Variants in SCO2 observed in about 807,000 individuals in gnomAD.
The protein encoded by SCO2 is cytochrome c oxidase assembly factor SCO2.
For missense variants in SCO2, 429 were observed against 348.7 expected (o/e 1.23, Z -1.83); for synonymous variants, 195 against 148.6 (o/e 1.31, Z -2.27).
upstream of SCO2, chr22:50,526,061 G>T (rs2148676922): frequency 6.7e-7 from 1 of 1,482,460 alleles, no homozygotes; most frequent in East Asian, 2.9e-5. Context: ...AGGCGGAGCG[G>T]CTCCCCAGCG....
chr22:50,525,512 G>T lies in SCO2; in HGVS notation c.-54C>A. 1.8e-6 allele frequency: 1 copy of T among 558,298 alleles called. No homozygotes were observed. Among genetic ancestry groups the T allele is most frequent in the Non-Finnish European group, 3.1e-6 (1 of 320,050 alleles). 34.6% of individuals were successfully genotyped at this position (558,298 alleles called of 1,614,324 possible). A position where few individuals can be genotyped will look rare whatever the true frequency, so the allele number is the denominator to read the frequency against. ...CGCGTCAGTGGACCAAGCACGAGAG[G>T]AAGCGCCGACCTCCAGCTCCCTGCG... On this transcript the variant is annotated 5_prime_UTR_variant, in exon 1 of 2. Transcript: ENST00000395693.
upstream of SCO2, chr22:50,526,169 G>A (rs921974843): frequency 1.2e-5 from 18 of 1,470,104 alleles, no homozygotes; most frequent in African/African-American, 2.9e-5. Context: ...GAGAGGCGCG[G>A]GCTCGGGAAG....
chr22:50,524,227 A>G lies in SCO2; in HGVS notation c.185T>C (p.Leu62Pro). ...PQGPGLRTRL[L>P]ITGLFGAGLG... ...TCCAGCCCCGAACAGGCCTGTGATCAGCAGCCGGGTTCGAAGCCCAGGGCC... is the reference window on the plus strand; with the variant it reads ...TCCAGCCCCGAACAGGCCTGTGATCGGCAGCCGGGTTCGAAGCCCAGGGCC... Residue 62 changes from leucine (L) to proline (P), a missense_variant, in exon 2 of 2, where the codon CTG (leucine) becomes CCG (proline). By Grantham distance (98) the Leu-to-Pro change is moderately conservative. Coordinates refer to ENST00000395693, the MANE Select transcript of SCO2 (RefSeq NM_005138.3). The G allele has an allele frequency of 3.1e-6, 5 of 1,607,734 alleles. No individual in the cohort carries two copies. The highest frequency in any genetic ancestry group is 4.2e-6 in the Non-Finnish European group (5 of 1,179,870).
At position 50,523,845 on chromosome 22, in the gene SCO2, CA is replaced by C; in HGVS notation, c.566del (p.Leu189TrpfsTer3). ...RYVQDFHPRL[L>X]GLTGSTKQVA... ...CCTGTTTGGTGGAGCCGGTCAGACC[CA>C]ACAGTCTTGGGTGGAAGTCCTGGAC... is the stretch of plus-strand genomic sequence containing the variant. On this transcript the variant is annotated frameshift_variant, in exon 2 of 2. Transcript: ENST00000395693. LOFTEE classifies it low-confidence loss of function (END_TRUNC). The C allele has an allele frequency of 6.2e-7, 1 of 1,614,056 alleles. No individual in the cohort carries two copies. The highest frequency in any genetic ancestry group is 8.5e-7 in the Non-Finnish European group (1 of 1,180,036).
At chr22:50,525,832 C>G (rs774894715), upstream of SCO2, 1 of 1,608,988 alleles carries the variant, frequency 6.2e-7, no homozygotes, top group East Asian at 2.2e-5. Context: ...GGCGCGCGGT[C>G]GGAGAGTACG....
At chr22:50,524,787 T>C in intron 1 of SCO2, 2 of 410,920 alleles carry the variant, frequency 4.9e-6, no homozygotes, top group Non-Finnish European at 9.8e-6. Flanking sequence ...AGGAGGTGGG[T>C]AACTCTCTGG....
Position 50,524,132 on chromosome 22 carries a change from GGGCTTCT to G in SCO2, c.273_279del (p.Glu92CysfsTer32), listed in dbSNP as rs751333475. The G allele has an allele frequency of 6.2e-7, 1 of 1,612,518 alleles. No homozygotes were observed. The highest frequency in any genetic ancestry group is 1.1e-5 in the South Asian group (1 of 91,086). On this transcript the variant is annotated frameshift_variant, in exon 2 of 2. Coordinates refer to ENST00000395693, the MANE Select transcript of SCO2 (RefSeq NM_005138.3). LOFTEE classifies it low-confidence loss of function (END_TRUNC). Reference sequence around the variant, plus strand: ...CCCTGGCCCACAGCTGCCTGGCGCAGGGCTTCTGTTCGCTTTTGCTGCTGCAGCCTCT... The same window carrying G: ...CCCTGGCCCACAGCTGCCTGGCGCAGGTTCGCTTTTGCTGCTGCAGCCTCT...
In SCO2 at chr22:50,524,068, C is replaced by G; in HGVS notation, c.344G>C (p.Cys115Ser). The G allele has an allele frequency of 6.2e-7, 1 of 1,613,292 alleles. No homozygotes were observed. The part of the protein sequence containing the change: ...HLLDHRGRAR[C>S]KADFRGQWVL... ...CCACTGGCCCCGGAAGTCAGCCTTGCAGCGAGCCCGGCCTCTGTGATCCAG... is the reference window on the plus strand; with the variant it reads ...CCACTGGCCCCGGAAGTCAGCCTTGGAGCGAGCCCGGCCTCTGTGATCCAG... Residue 115 changes from cysteine (C) to serine (S), a missense_variant, in exon 2 of 2, where the codon TGC (cysteine) becomes TCC (serine). Coordinates refer to ENST00000395693, the MANE Select transcript of SCO2 (RefSeq NM_005138.3).
At position 50,525,566 on chromosome 22, in the gene SCO2, G is replaced by T. The variant is rs1000474738; in HGVS notation, c.-108C>A. ...TGCCCCGCCGGCTCAGGGAAAGCGG[G>T]CGCCACACGCTCACAGGCAGGGCGC... On this transcript the variant is annotated 5_prime_UTR_variant, in exon 1 of 2. Coordinates refer to ENST00000395693, the MANE Select transcript of SCO2 (RefSeq NM_005138.3). 9 of 730,524 alleles carry T rather than the reference G, an allele frequency of 1.2e-5. No individual in the cohort carries two copies. Among genetic ancestry groups the T allele is most frequent in the Non-Finnish European group, 2.0e-5 (9 of 453,562 alleles). The allele number at this position is 730,524 out of a possible 1,614,324, so 45.3% of individuals were successfully genotyped here.
At position 50,524,143 on chromosome 22, in the gene SCO2, C is replaced by T. The variant is rs766985727; in HGVS notation, c.269G>A (p.Arg90Gln). Reference sequence around the variant, plus strand: ...AGCTGCCTGGCGCAGGGCTTCTGTTCGCTTTTGCTGCTGCAGCCTCTCCTT... The same window carrying T: ...AGCTGCCTGGCGCAGGGCTTCTGTTTGCTTTTGCTGCTGCAGCCTCTCCTT... Reference protein sequence around the residue: ...AEKERLQQQKRTEALRQAAVG... With the variant: ...AEKERLQQQKQTEALRQAAVG... The change falls in exon 2 of 2, where the codon CGA becomes CAA. Residue 90 changes from arginine (R) to glutamine (Q), a missense_variant. Transcript: ENST00000395693. The T allele has an allele frequency of 2.6e-5, 42 of 1,611,860 alleles. No homozygotes were observed. The highest frequency in any genetic ancestry group is 6.7e-5 in the East Asian group (3 of 44,904).
chr22:50,524,305 C>T lies in SCO2; in HGVS notation c.107G>A (p.Trp36Ter), dbSNP rs121908508. ...LGGQALHLRS[W>*]LLSRQGPAET... The stretch of plus-strand genomic sequence containing the variant: ...TGCAGGGCCCTGCCTTGACAAAAGC[C>T]AGGACCTCAGATGCAGGGCCTGGCC... The change falls in exon 2 of 2, where the codon TGG becomes TAG. Residue 36 changes from tryptophan (W) to a stop codon, truncating the protein, a stop_gained. Coordinates refer to ENST00000395693, the MANE Select transcript of SCO2 (RefSeq NM_005138.3). LOFTEE classifies it low-confidence loss of function (END_TRUNC). 2 of 1,602,526 alleles carry T rather than the reference C, an allele frequency of 1.2e-6. No individual in the cohort carries two copies. The highest frequency in any genetic ancestry group is 1.7e-6 in the Non-Finnish European group (2 of 1,179,882).
chr22:50,524,563 C>T, intron 1 of SCO2, 139 bp from the exon 2 acceptor site: 2 of 791,512 alleles, frequency 2.5e-6, no homozygotes, highest in Non-Finnish European at 4.4e-6. Context: ...CAGCTGCTCA[C>T]CTGAGCTCAG....
upstream of SCO2, chr22:50,525,651 G>C (rs1055059543): frequency 2.1e-6 from 3 of 1,443,816 alleles, no homozygotes; most frequent in South Asian, 3.7e-5. Flanking sequence ...CTCTCAGCGC[G>C]TGCGCGGAAG....
chr22:50,523,937 GA>G lies in SCO2; in HGVS notation c.474del (p.Pro159GlnfsTer33). ...ACAGTGATGAAGACAGGCTGCACTG[GA>G]GGCAAACCAGGCTCTGCTTCCAGCT... is the stretch of plus-strand genomic sequence containing the variant. ...VRQLEAEPGL[P>X]PVQPVFITVD... On this transcript the variant is annotated frameshift_variant, in exon 2 of 2. Transcript: ENST00000395693. LOFTEE classifies it low-confidence loss of function (END_TRUNC). 1 of 1,612,704 alleles carries G rather than the reference GA, an allele frequency of 6.2e-7. No homozygotes were observed. The highest frequency in any genetic ancestry group is 8.5e-7 in the Non-Finnish European group (1 of 1,179,124).
upstream of SCO2, chr22:50,526,071 G>A (rs1297862459): frequency 6.7e-7 from 1 of 1,483,868 alleles, no homozygotes; most frequent in Non-Finnish European, 8.9e-7. Flanking sequence ...GCTCCCCAGC[G>A]CGGCTGCGCC....
In SCO2 at chr22:50,525,456, G is replaced by A. The variant is rs2069305143; in HGVS notation, c.-14+16C>T. The A allele has an allele frequency of 4.5e-6, 2 of 440,916 alleles. No homozygotes were observed. The highest frequency in any genetic ancestry group is 4.1e-5 in the Admixed American group (1 of 24,276). 27.3% of individuals were successfully genotyped at this position (440,916 alleles called of 1,614,324 possible). Reference sequence around the variant, plus strand: ...CTCAGGGCTACCTCCTCCCCTCCCAGCCCCGGCGTCCGCACCTCGCGGCGG... The same window carrying A: ...CTCAGGGCTACCTCCTCCCCTCCCAACCCCGGCGTCCGCACCTCGCGGCGG... On this transcript the variant is annotated intron_variant, in intron 1 of 1. Transcript: ENST00000395693.
chr22:50,524,373 C>A lies in SCO2; in HGVS notation c.39G>T (p.Arg13Ser), dbSNP rs1416866419. The change falls in exon 2 of 2, where the codon AGG becomes AGT. Residue 13 changes from arginine to serine, a missense_variant. Transcript: ENST00000395693. ...LLTRSPTAWH[R>S]LSQLKPRVLP... is the part of the protein sequence containing the mutation. Reference sequence around the variant, plus strand: ...GGACCCGAGGCTTGAGCTGAGAGAGCCTGTGCCAAGCTGTGGGGCTCCGAG... The same window carrying A: ...GGACCCGAGGCTTGAGCTGAGAGAGACTGTGCCAAGCTGTGGGGCTCCGAG... The A allele has an allele frequency of 1.9e-6, 3 of 1,602,966 alleles. No individual in the cohort carries two copies. The African/African-American group carries it at 4.0e-5, about 21-fold the overall frequency.
chr22:50,526,242 T>C, upstream of SCO2: 1 of 1,539,308 alleles, frequency 6.5e-7, no homozygotes, highest in Non-Finnish European at 8.7e-7. Context: ...CCCCCGACGC[T>C]CACCATCTGC....
chr22:50,525,950 G>T (rs1273457739), upstream of SCO2: 3 of 1,413,478 alleles, frequency 2.1e-6, no homozygotes, highest in Non-Finnish European at 2.7e-6. Context: ...GAGGCCGCGC[G>T]GCCGGAGCTG....
Sources: gnomAD v4.1 joint callset for allele counts on GRCh38, gnomAD v4.1.1 for gene constraint, MANE v1.5 for transcripts, NCBI Gene and HGNC (gene_info 2026-07-23, HGNC 2026-07-21) for gene names.